Variants in COL21A1 observed in about 807,000 individuals in gnomAD.
COL21A1 encodes the protein collagen alpha-1(XXI) chain.
In COL21A1, 149 loss-of-function variants were observed where a neutral mutation model predicts 137.9. That is an observed-to-expected ratio of 1.08 (90% CI 0.95 to 1.24). The LOEUF (loss-of-function observed/expected upper bound fraction) is 1.24, where lower values mean the gene tolerates loss of function less well. COL21A1 is among the 50% of genes most tolerant of loss of function. COL21A1 has a pLI of 0.00. For synonymous variants in COL21A1, 456 were observed against 391.5 expected (o/e 1.16, Z -1.95); for missense variants, 1,167 against 1,158.4 (o/e 1.01, Z -0.11).
At chr6:56,292,231 G>T (rs928831205) in intron 1 of COL21A1, among the ~76,000 whole-genome samples, 1 of 152,028 alleles carries the variant, frequency 6.6e-6, no homozygotes, top group African/African-American at 2.4e-5. Context: ...GTTCAGTCAA[G>T]GTGTTATCTC....
Position 56,204,990 on chromosome 6 carries a change from A to G in COL21A1, c.-38-22334T>C, listed in dbSNP as rs766872581. Among the ~76,000 whole-genome samples the G allele has an allele frequency of 8.9e-4, 135 of 152,330 alleles. 1 individual carries two copies. The highest frequency in any genetic ancestry group is 7.2e-4 in the Admixed American group (11 of 15,304). ...GAGATCCCATCCAAAGGTCACCAACATCAAAGACCAAAGGTAGATAAATCC... is the reference window on the plus strand; with the variant it reads ...GAGATCCCATCCAAAGGTCACCAACGTCAAAGACCAAAGGTAGATAAATCC... On this transcript the variant is annotated intron_variant, in intron 1 of 29. Coordinates refer to ENST00000244728, the MANE Select transcript of COL21A1 (RefSeq NM_030820.4).
At chr6:56,325,127 T>C (rs1287681884) in intron 1 of COL21A1, among the ~76,000 whole-genome samples, 2 of 148,656 alleles carry the variant, frequency 1.3e-5, no homozygotes, top group Admixed American at 7.0e-5. Context: ...GTCTTTATTC[T>C]ACATGAAGCC....
At chr6:56,221,299 T>C (rs1490694139) in intron 1 of COL21A1, among the ~76,000 whole-genome samples, 1 of 152,144 alleles carries the variant, frequency 6.6e-6, no homozygotes, top group Non-Finnish European at 1.5e-5. Flanking sequence ...CAAGGATTGA[T>C]AATTGGACCT....
At chr6:56,075,198 T>A (rs949010005) in intron 19 of COL21A1, among the ~76,000 whole-genome samples, 1 of 151,482 alleles carries the variant, frequency 6.6e-6, no homozygotes, top group Non-Finnish European at 1.5e-5. Context: ...TTAGTATTTT[T>A]AAATTAATAG....
intron 17 of COL21A1, among the ~76,000 whole-genome samples, chr6:56,082,268 A>G (rs1320730428): frequency 2.0e-5 from 3 of 151,880 alleles, no homozygotes; most frequent in Non-Finnish European, 4.4e-5. Flanking sequence ...GTCCAGGAAA[A>G]CCACCTACCC....
At chr6:56,386,817 GAACA>G (rs2094019210) in intron 1 of COL21A1, among the ~76,000 whole-genome samples, 1 of 152,098 alleles carries the variant, frequency 6.6e-6, no homozygotes, top group African/African-American at 2.4e-5. Flanking sequence ...ATGACCTCAT[GAACA>G]AACAGTAGGG....
chr6:56,278,972 T>C (rs1357385151), intron 1 of COL21A1, among the ~76,000 whole-genome samples: 2 of 152,216 alleles, frequency 1.3e-5, no homozygotes, highest in East Asian at 3.9e-4. Flanking sequence ...ATAGATTCAA[T>C]GGCTTGTGAT....
At chr6:56,264,627 T>C (rs572404372) in intron 1 of COL21A1, among the ~76,000 whole-genome samples, 1 of 152,144 alleles carries the variant, frequency 6.6e-6, no homozygotes, top group African/African-American at 2.4e-5. Flanking sequence ...CCGTGTGAGA[T>C]TTCCAATAAA....
At chr6:56,182,039 G>A (rs956999045) in intron 2 of COL21A1, among the ~76,000 whole-genome samples, 5 of 152,012 alleles carry the variant, frequency 3.3e-5, no homozygotes, top group Non-Finnish European at 5.9e-5. Flanking sequence ...GTGAACATAA[G>A]CAAACTTTTT....
intron 12 of COL21A1, among the ~76,000 whole-genome samples, chr6:56,139,541 GA>G (rs1382519335): frequency 1.3e-5 from 2 of 152,076 alleles, no homozygotes; most frequent in Non-Finnish European, 2.9e-5. Flanking sequence ...GGTGTTATCA[GA>G]AAATCACATG....
At chr6:56,196,280 G>T (rs9475611) in intron 1 of COL21A1, among the ~76,000 whole-genome samples, 1 of 152,030 alleles carries the variant, frequency 6.6e-6, no homozygotes, top group Non-Finnish European at 1.5e-5. Context: ...ATGGTTAAAA[G>T]CTGAAAGCTT....
At chr6:56,318,053 T>G (rs1764781119) in intron 1 of COL21A1, among the ~76,000 whole-genome samples, 1 of 152,152 alleles carries the variant, frequency 6.6e-6, no homozygotes, top group Admixed American at 6.6e-5. Flanking sequence ...CGGTTAGCAC[T>G]AAGTTTAAGA....
intron 10 of COL21A1, among the ~76,000 whole-genome samples, chr6:56,156,553 G>A (rs1323676525): frequency 6.6e-6 from 1 of 152,148 alleles, no homozygotes; most frequent in Non-Finnish European, 1.5e-5. Context: ...CTGTGAGGGA[G>A]GGTGTGTACC....
intron 3 of COL21A1, among the ~76,000 whole-genome samples, chr6:56,172,288 G>T (rs1777129479): frequency 6.6e-6 from 1 of 152,132 alleles, no homozygotes; most frequent in African/African-American, 2.4e-5. Flanking sequence ...AGAAAAAAGA[G>T]ACTTGTTATG....
chr6:56,178,713 T>A (rs1489230612), intron 3 of COL21A1, among the ~76,000 whole-genome samples: 1 of 152,074 alleles, frequency 6.6e-6, no homozygotes, highest in African/African-American at 2.4e-5. Context: ...CCTAATAGGA[T>A]TAATATTTAC....
chr6:56,069,212 T>C, intron 21 of COL21A1, 95 bp from the exon 22 acceptor site: 3 of 689,512 alleles, frequency 4.4e-6, no homozygotes, highest in Non-Finnish European at 7.0e-6. Context: ...TTAAAATGAA[T>C]GGTTAAAAAA....
intron 16 of COL21A1, among the ~76,000 whole-genome samples, chr6:56,116,754 A>G (rs1415349272): frequency 3.3e-5 from 5 of 152,184 alleles, no homozygotes; most frequent in East Asian, 3.9e-4. Context: ...ACTTTAAAAA[A>G]CATAATCAGT....
chr6:56,381,572 A>C (rs1030598384), intron 1 of COL21A1, among the ~76,000 whole-genome samples: 3 of 152,256 alleles, frequency 2.0e-5, no homozygotes, highest in African/African-American at 4.8e-5. Context: ...GAAAGCTTTC[A>C]CTATTCCTGT....
chr6:56,160,731 G>T (rs1249909213), intron 9 of COL21A1, among the ~76,000 whole-genome samples: 1 of 152,120 alleles, frequency 6.6e-6, no homozygotes, highest in East Asian at 1.9e-4. Flanking sequence ...AAATGTCATG[G>T]ACTAAACTAA....
Sources: gnomAD v4.1 joint callset for allele counts (sites outside exome capture counted in the v4.1 genomes callset) on GRCh38, gnomAD v4.1.1 for gene constraint, MANE v1.5 for transcripts, NCBI Gene and HGNC (gene_info 2026-07-23, HGNC 2026-07-21) for gene names.